The following IL12RB1 variants were observed in gnomAD, a reference collection of about 807,000 sequenced individuals.
IL12RB1 encodes the protein interleukin 12 receptor subunit beta 1.
IL12RB1 carries 64 observed loss-of-function variants against 94.4 expected under a neutral mutation model. The observed-to-expected ratio is 0.68, with a 90% confidence interval of 0.55 to 0.83. The LOEUF (loss-of-function observed/expected upper bound fraction) is 0.83, where lower values mean the gene tolerates loss of function less well. Ranked by LOEUF, IL12RB1 falls within the 40% of genes least tolerant of loss-of-function variation. IL12RB1 has a pLI of 0.00. For missense variants in IL12RB1, 814 were observed against 855.6 expected (o/e 0.95, Z 0.61); for synonymous variants, 362 against 355.5 (o/e 1.02, Z -0.21).
chr19:18,077,355 C>G (rs990087407), intron 5 of IL12RB1, among the ~76,000 whole-genome samples, 161 bp downstream of exon 5: 5 of 151,414 alleles, frequency 3.3e-5, no homozygotes, highest in African/African-American at 1.2e-4. Flanking sequence ...GAGCAAGGCT[C>G]CGTCTCAGAA....
intron 8 of IL12RB1, among the ~76,000 whole-genome samples, chr19:18,072,670 G>A (rs1051239797): frequency 4.6e-5 from 7 of 152,002 alleles, no homozygotes; most frequent in African/African-American, 7.2e-5. Flanking sequence ...TTGAGAGGCC[G>A]GGCACGGGGG....
Position 18,086,926 on chromosome 19 carries a change from G to A in IL12RB1, c.-103C>T, listed in dbSNP as rs751561085. 2 of 1,552,010 alleles carry A rather than the reference G, an allele frequency of 1.3e-6. No individual in the cohort carries two copies. Among genetic ancestry groups the A allele is most frequent in the South Asian group, 2.4e-5 (2 of 84,824 alleles). On this transcript the variant is annotated 5_prime_UTR_variant, in exon 1 of 17. Transcript: ENST00000593993. ...GGAACACATTGAAGCTGAGCAAGGA[G>A]AAAAGACTGAAAAAAAAGAAAAAAG...
rs1408160083 is a variant in IL12RB1 at position 18,069,635 on chromosome 19, T to A, written c.1100A>T (p.Tyr367Phe). Reference sequence around the variant, plus strand: ...GCCCACAGGCTGCCATTCAATGCAATACGTCATGCTCTGAGCCCGGGCTGG... The same window carrying A: ...GCCCACAGGCTGCCATTCAATGCAAAACGTCATGCTCTGAGCCCGGGCTGG... ...YWPARAQSMTYCIEWQPVGQD... is the reference protein window; with the variant it reads ...YWPARAQSMTFCIEWQPVGQD... Residue 367 changes from tyrosine (Y) to phenylalanine (F), a missense_variant, in exon 10 of 17, where the codon TAT becomes TTT. Tyr to Phe is a conservative substitution (Grantham distance 22). Transcript: ENST00000593993. 1 of 1,613,482 alleles carries A rather than the reference T, an allele frequency of 6.2e-7. No homozygotes were observed. The highest frequency in any genetic ancestry group is 1.1e-5 in the South Asian group (1 of 91,088).
intron 10 of IL12RB1, among the ~76,000 whole-genome samples, chr19:18,069,110 C>CAGGCTG (rs1568494513): frequency 6.6e-6 from 1 of 152,164 alleles, no homozygotes. Flanking sequence ...CTTCAAGGAA[C>CAGGCTG]AGGCTGAGGC....
intron 9 of IL12RB1, chr19:18,070,724 AGCCCAGGAGTTCGAGACCAGCCTGG>A (rs1018209864): frequency 6.3e-6 from 1 of 158,750 alleles, no homozygotes; most frequent in African/African-American, 2.4e-5. Flanking sequence ...GGATCACTTG[AGCCCAGGAGTTCGAGACCAGCCTGG>A]GCAACGTAGA....
chr19:18,091,863 C>CT (rs1189156834), upstream of IL12RB1, among the ~76,000 whole-genome samples: 56 of 132,504 alleles, frequency 4.2e-4, no homozygotes, highest in African/African-American at 1.6e-3. Context: ...TGATGCCTGG[C>CT]TTTTCTTTTT....
At chr19:18,065,533 G>A (rs2034511005) in intron 12 of IL12RB1, among the ~76,000 whole-genome samples, 1 of 151,698 alleles carries the variant, frequency 6.6e-6, no homozygotes, top group Admixed American at 6.6e-5. Context: ...ACCAGCCTGA[G>A]CGAGGCCGGA....
intron 7 of IL12RB1, among the ~76,000 whole-genome samples, chr19:18,075,040 A>G (rs1168083889): frequency 1.3e-5 from 2 of 150,926 alleles, no homozygotes; most frequent in African/African-American, 2.4e-5. Flanking sequence ...TGACAGAGTG[A>G]GACTCCGTCT....
Position 18,076,443 on chromosome 19 carries a change from T to C in IL12RB1, c.550-116A>G, listed in dbSNP as rs573210201. On this transcript the variant is annotated intron_variant, in intron 5 of 16. Coordinates refer to ENST00000593993, the MANE Select transcript of IL12RB1 (RefSeq NM_005535.3). Reference sequence around the variant, plus strand: ...TCTGAGACACGGTCTCACTCTGTCATCTAGGCTGGAGTGCAGTGGTGCAAT... The same window carrying C: ...TCTGAGACACGGTCTCACTCTGTCACCTAGGCTGGAGTGCAGTGGTGCAAT... 5.5e-5 allele frequency: 39 copies of C among 706,122 alleles called. No homozygotes were observed. In the East Asian group the frequency reaches 6.2e-4, roughly 11 times the overall value. The allele number at this position is 706,122 out of a possible 1,614,324, so 43.7% of individuals were successfully genotyped here.
At chr19:18,097,773 G>T in intron 1 of IL12RB1, 1 of 1,212,222 alleles carries the variant, frequency 8.2e-7, no homozygotes, top group South Asian at 4.1e-5. Context: ...GGCGGGCCTG[G>T]CGGCGCGGAC....
At chr19:18,098,756 C>A in exon 1 of IL12RB1, 1 of 456,694 alleles carries the variant, frequency 2.2e-6, no homozygotes, top group South Asian at 1.5e-5. Context: ...AGCACTTACC[C>A]AACGAACATT....
intron 2 of IL12RB1, chr19:18,083,130 G>A (rs1052522603): frequency 1.8e-6 from 1 of 548,086 alleles, no homozygotes; most frequent in Non-Finnish European, 3.3e-6. Context: ...TCAGGTTGGG[G>A]GGGGGGCTTC....
chr19:18,097,358 T>C (rs2146667221), intron 1 of IL12RB1, among the ~76,000 whole-genome samples: 1 of 152,016 alleles, frequency 6.6e-6, no homozygotes, highest in South Asian at 2.1e-4. Flanking sequence ...TTTTTTTGTT[T>C]TGTTTTGGTT....
chr19:18,071,162 C>T (rs990453963), intron 9 of IL12RB1: 2 of 328,560 alleles, frequency 6.1e-6, no homozygotes, highest in Non-Finnish European at 1.2e-5. Context: ...CACTTGAGGT[C>T]AGGAGTTCGA....
Position 18,059,371 on chromosome 19 carries a change from G to A in IL12RB1, c.*237C>T, listed in dbSNP as rs1036629947. On this transcript the variant is annotated 3_prime_UTR_variant, in exon 17 of 17. Coordinates refer to ENST00000593993, the MANE Select transcript of IL12RB1 (RefSeq NM_005535.3). ...CCCAGTCCATTCTACGCCAGAACAG[G>A]TAAATGGCAGGGTCTGCTCCTGCCC... The A allele has an allele frequency of 1.8e-5, 11 of 603,932 alleles. No individual in the cohort carries two copies. Among genetic ancestry groups the A allele is most frequent in the Non-Finnish European group, 3.0e-5 (10 of 337,092 alleles). The allele number at this position is 603,932 out of a possible 1,614,324, so 37.4% of individuals were successfully genotyped here. A position where few individuals can be genotyped will look rare whatever the true frequency, so the allele number is the denominator to read the frequency against.
intron 5 of IL12RB1, 109 bp downstream of exon 5, chr19:18,077,407 T>TG: frequency 1.2e-6 from 1 of 823,130 alleles, no homozygotes; most frequent in Non-Finnish European, 2.0e-6. Context: ...GGGGCTAGAG[T>TG]GGGGGCTGGT....
At position 18,059,622 on chromosome 19, in the gene IL12RB1, T is replaced by G; in HGVS notation, c.1984-9A>C. 1 of 780,620 alleles carries G rather than the reference T, an allele frequency of 1.3e-6. No individual in the cohort carries two copies. Among genetic ancestry groups the G allele is most frequent in the Non-Finnish European group, 2.4e-6 (1 of 417,856 alleles). The allele number at this position is 780,620 out of a possible 1,614,324, so 48.4% of individuals were successfully genotyped here. The stretch of plus-strand genomic sequence containing the variant: ...AGCCTCAACGATCACATCTGTAAAG[T>G]ACAACAGTCATGGTTCCTTTCAGGG... On this transcript the variant is annotated splice_polypyrimidine_tract_variant and intron_variant, in intron 16 of 16. Coordinates refer to ENST00000593993, the MANE Select transcript of IL12RB1 (RefSeq NM_005535.3).
At chr19:18,093,801 G>A (rs2146599133) in intron 1 of IL12RB1, among the ~76,000 whole-genome samples, 1 of 152,216 alleles carries the variant, frequency 6.6e-6, no homozygotes, top group South Asian at 2.1e-4. Context: ...CATCACTTGG[G>A]GTGTGCAAGC....
chr19:18,079,193 C>T (rs2035699698), intron 4 of IL12RB1, among the ~76,000 whole-genome samples: 1 of 148,868 alleles, frequency 6.7e-6, no homozygotes, highest in Non-Finnish European at 1.5e-5. Flanking sequence ...AACCTCCATA[C>T]CACAGGTTCA....
Sources: gnomAD v4.1 joint callset for allele counts (sites outside exome capture counted in the v4.1 genomes callset) on GRCh38, gnomAD v4.1.1 for gene constraint, MANE v1.5 for transcripts, NCBI Gene and HGNC (gene_info 2026-07-23, HGNC 2026-07-21) for gene names.